Variants in TEAD4 observed in about 807,000 individuals in gnomAD.
TEAD4 encodes the protein TEA domain transcription factor 4.
Under a neutral mutation model 52.4 loss-of-function variants are expected in TEAD4, and 36 were observed. The observed-to-expected ratio is 0.69, with a 90% CI of 0.53 to 0.91. TEAD4 has a LOEUF of 0.91. Ranked by LOEUF, TEAD4 falls within the 40% of genes least tolerant of loss-of-function variation. TEAD4 has a pLI of 0.00. For missense variants in TEAD4, 508 were observed against 583.9 expected (o/e 0.87, Z 1.34); for synonymous variants, 220 against 231.0 (o/e 0.95, Z 0.43).
chr12:2,969,395 A>G (rs78150878), intron 2 of TEAD4, among the ~76,000 whole-genome samples: 11,659 of 152,304 alleles, frequency 0.077, 572 homozygotes, highest in Admixed American at 0.11. Context: ...CTCGGGTTTC[A>G]GTATCCTTAG....
intron 11 of TEAD4, among the ~76,000 whole-genome samples, chr12:3,039,414 A>C (rs1053455600): frequency 2.0e-5 from 3 of 152,220 alleles, no homozygotes; most frequent in East Asian, 3.8e-4. Flanking sequence ...ACGTTGATGC[A>C]GTCCACCAAG....
intron 2 of TEAD4, among the ~76,000 whole-genome samples, chr12:2,966,893 A>G (rs2098220857): frequency 3.9e-5 from 6 of 152,032 alleles, no homozygotes; most frequent in Admixed American, 3.9e-4. Flanking sequence ...TTTTAGTAGA[A>G]ATGTGGTTTC....
intron 3 of TEAD4, among the ~76,000 whole-genome samples, chr12:2,998,516 AG>A: frequency 6.6e-6 from 1 of 151,004 alleles, no homozygotes; most frequent in East Asian, 1.9e-4. Context: ...AGACCCAGGG[AG>A]GGGCATGGGA....
chr12:3,002,182 A>G (rs1025179120), intron 3 of TEAD4, among the ~76,000 whole-genome samples: 4 of 152,230 alleles, frequency 2.6e-5, no homozygotes, highest in Non-Finnish European at 5.9e-5. Context: ...TCCATGTTGT[A>G]GCGTGTTTCA....
rs753168642 is a variant in TEAD4, at chr12:3,011,056, C to A, written c.279C>A (p.Arg93=). The A allele has an allele frequency of 6.2e-7, 1 of 1,614,116 alleles. No individual in the cohort carries two copies. Among genetic ancestry groups the A allele is most frequent in the South Asian group, 1.1e-5 (1 of 91,068 alleles). Reference sequence around the variant, plus strand: ...TCAAGCTCCGGACAGGGAAGACCCGCACCAGGAAGCAGGTGGGCCTCAAGA... The same window carrying A: ...TCAAGCTCCGGACAGGGAAGACCCGAACCAGGAAGCAGGTGGGCCTCAAGA... Residue 93 remains arginine (R), a synonymous_variant, in exon 4 of 13, where the codon CGC becomes CGA. Coordinates refer to ENST00000359864, the MANE Select transcript of TEAD4 (RefSeq NM_003213.4).
intron 2 of TEAD4, among the ~76,000 whole-genome samples, chr12:2,973,619 A>G (rs1013463868): frequency 6.6e-6 from 1 of 152,336 alleles, no homozygotes. Flanking sequence ...GGGGCCTTCC[A>G]AGAAGCTCTG....
chr12:3,036,112 G>A (rs886434262), intron 10 of TEAD4, among the ~76,000 whole-genome samples: 3 of 152,194 alleles, frequency 2.0e-5, no homozygotes, highest in Non-Finnish European at 4.4e-5. Context: ...CTGTTTCAGA[G>A]GCTGAGCATT....
chr12:3,012,376 C>A (rs2098261012), intron 5 of TEAD4, 144 bp downstream of exon 5: 1 of 851,796 alleles, frequency 1.2e-6, no homozygotes, highest in South Asian at 1.7e-5. Flanking sequence ...GGGCCTGTAA[C>A]CTCTCTCCCA....
intron 10 of TEAD4, among the ~76,000 whole-genome samples, chr12:3,032,069 G>T (rs77864708): frequency 0.019 from 2,964 of 152,336 alleles, 53 homozygotes; most frequent in Middle Eastern, 0.041. Flanking sequence ...GGGCTTCTTG[G>T]GCGTTCTCGA....
chr12:2,964,989 G>C (rs2098219096), intron 2 of TEAD4, among the ~76,000 whole-genome samples: 1 of 152,106 alleles, frequency 6.6e-6, no homozygotes, highest in South Asian at 2.1e-4. Context: ...GGTCCCAAGA[G>C]AAGGTGTAGG....
chr12:2,980,296 GGTCTTCGT>G lies in TEAD4; in HGVS notation c.-29-14437_-29-14430del, dbSNP rs1257000619. Among the ~76,000 whole-genome samples the G allele has an allele frequency of 1.4e-4, 22 of 152,240 alleles. No individual in the cohort carries two copies. The East Asian group carries it at 4.1e-3, about 28-fold the overall frequency. On this transcript the variant is annotated intron_variant, in intron 2 of 12. Coordinates refer to ENST00000359864, the MANE Select transcript of TEAD4 (RefSeq NM_003213.4). ...GTCCATGCAACGAAAGAGACCAAGA[GGTCTTCGT>G]GTCTGCAGAGATGAACTTCTCTAGC...
intron 2 of TEAD4, among the ~76,000 whole-genome samples, chr12:2,975,630 T>C (rs913222740): frequency 6.6e-6 from 1 of 152,066 alleles, no homozygotes; most frequent in Non-Finnish European, 1.5e-5. Context: ...TCAGGTGATC[T>C]GCCCACCTCG....
At chr12:2,981,937 TTTC>T (rs1276495377) in intron 2 of TEAD4, among the ~76,000 whole-genome samples, 1 of 152,142 alleles carries the variant, frequency 6.6e-6, no homozygotes, top group African/African-American at 2.4e-5. Context: ...ATCAGGGTGT[TTTC>T]TTCTGAATTC....
intron 5 of TEAD4, chr12:3,017,122 G>A (rs926581823): frequency 1.4e-5 from 8 of 589,140 alleles, no homozygotes; most frequent in African/African-American, 5.5e-5. Flanking sequence ...AGGTGGCCCC[G>A]TAATTAATAA....
intron 3 of TEAD4, among the ~76,000 whole-genome samples, chr12:2,996,887 A>G (rs1204868530): frequency 2.0e-5 from 3 of 152,150 alleles, no homozygotes; most frequent in Non-Finnish European, 2.9e-5. Context: ...GGCTGATTTT[A>G]CAGGTGTGAG....
In TEAD4 at chr12:3,034,058, T is replaced by G. The variant is rs575743298; in HGVS notation, c.898-3910T>G. 1.5e-3 allele frequency among the ~76,000 whole-genome samples: 234 copies of G among 151,508 alleles called. 15 individuals are homozygous for G. Among genetic ancestry groups the G allele is most frequent in the African/African-American group, 5.5e-3 (223 of 40,822 alleles). On this transcript the variant is annotated intron_variant, in intron 10 of 12. Transcript: ENST00000359864. The stretch of plus-strand genomic sequence containing the variant: ...ATCTCTCTTTCTCCCCCTGACCCAT[T>G]GCTCAACCCTAGCACTTGCATTCTA...
At chr12:3,021,305 TTC>T (rs1235197939) in intron 9 of TEAD4, among the ~76,000 whole-genome samples, 4 of 57,508 alleles carry the variant, frequency 7.0e-5, no homozygotes, top group African/African-American at 1.9e-4. Flanking sequence ...ATCTTCAAAC[TTC>T]TTTTTTTTTT....
chr12:2,967,777 T>C (rs2098221625), intron 2 of TEAD4, among the ~76,000 whole-genome samples: 1 of 152,226 alleles, frequency 6.6e-6, no homozygotes, highest in South Asian at 2.1e-4. Flanking sequence ...TGTTTTTGTT[T>C]TGTTTTTCAA....
chr12:3,003,524 G>A (rs1481559333), intron 3 of TEAD4, among the ~76,000 whole-genome samples: 2 of 152,152 alleles, frequency 1.3e-5, no homozygotes, highest in East Asian at 3.9e-4. Context: ...GGGTGTGTGT[G>A]AGGCTGAGTG....
Sources: allele counts gnomAD v4.1 joint callset (sites outside exome capture counted in the v4.1 genomes callset), GRCh38; gene constraint gnomAD v4.1.1; transcripts MANE v1.5; gene names NCBI Gene and HGNC (gene_info 2026-07-23, HGNC 2026-07-21).